The following PRIM2 variants were observed in gnomAD, a reference collection of about 807,000 sequenced individuals.
PRIM2 encodes the protein DNA primase large subunit.
A neutral mutation model predicts 67.3 loss-of-function variants in PRIM2; 39 were observed. That is an observed-to-expected ratio of 0.58 (90% CI 0.45 to 0.76). The LOEUF is 0.76. Ranked by LOEUF, PRIM2 falls within the 30% of genes least tolerant of loss-of-function variation. The pLI is 0.00. For synonymous variants in PRIM2, 143 were observed against 198.7 expected (o/e 0.72, Z 2.36); for missense variants, 398 against 598.7 (o/e 0.66, Z 3.50).
chr6:57,644,466 A>G (rs1777299043), intron 13 of PRIM2, among the ~76,000 whole-genome samples: 1 of 152,208 alleles, frequency 6.6e-6, no homozygotes, highest in African/African-American at 2.4e-5. Flanking sequence ...CATTCTTGGT[A>G]GAGGTTTTTA....
chr6:57,263,150 C>A, the PRIM2 span, among the ~76,000 whole-genome samples: 1 of 152,188 alleles, frequency 6.6e-6, no homozygotes, highest in Non-Finnish European at 1.5e-5. Context: ...AGTATAAGTT[C>A]TTCAAAGTTC....
chr6:57,532,953 C>T (rs1347006058), intron 9 of PRIM2, among the ~76,000 whole-genome samples: 1 of 152,110 alleles, frequency 6.6e-6, no homozygotes, highest in African/African-American at 2.4e-5. Flanking sequence ...TTGTGTTCTC[C>T]TGTGGTTTTC....
chr6:57,433,991 C>A (rs1771926838), intron 7 of PRIM2, among the ~76,000 whole-genome samples: 1 of 148,096 alleles, frequency 6.8e-6, no homozygotes, highest in Non-Finnish European at 1.5e-5. Flanking sequence ...GTGGCGCAAT[C>A]TCAGCTCACG....
the PRIM2 span, among the ~76,000 whole-genome samples, chr6:57,263,523 C>T: frequency 6.6e-6 from 1 of 151,876 alleles, no homozygotes; most frequent in Non-Finnish European, 1.5e-5. Flanking sequence ...ATTCTCTTCC[C>T]TTATAAGGCC....
At position 57,532,708 on chromosome 6, in the gene PRIM2, T is replaced by G. The variant is rs1245076851; in HGVS notation, c.834+225T>G. 2.0e-5 allele frequency among the ~76,000 whole-genome samples: 3 copies of G among 152,340 alleles called. No individual in the cohort carries two copies. In the East Asian group the frequency reaches 5.8e-4, roughly 29 times the overall value. Reference sequence around the variant, plus strand: ...TTTATGAAAACAGAATTTAATCAACTATTCCAAACAGGAATTCTTTTAAAT... The same window carrying G: ...TTTATGAAAACAGAATTTAATCAACGATTCCAAACAGGAATTCTTTTAAAT... On this transcript the variant is annotated intron_variant, in intron 9 of 13. Transcript: ENST00000615550.
At chr6:57,325,843 G>T in intron 4 of PRIM2, 82 bp from the exon 5 acceptor site, 1 of 1,396,992 alleles carries the variant, frequency 7.2e-7, no homozygotes, top group Non-Finnish European at 9.7e-7. Context: ...GCTGATGTTT[G>T]AATATTGTTT....
chr6:57,628,364 G>A lies in PRIM2; in HGVS notation c.1231-3769G>A, dbSNP rs1369280343. On this transcript the variant is annotated intron_variant, in intron 12 of 13. Transcript: ENST00000615550. Reference sequence around the variant, plus strand: ...GCTATCTTTTTAGGAGCCAAGACCAGCTTGTGAGGATGGAGGTCTGGGCTT... The same window carrying A: ...GCTATCTTTTTAGGAGCCAAGACCAACTTGTGAGGATGGAGGTCTGGGCTT... Among the ~76,000 whole-genome samples the A allele has an allele frequency of 3.3e-5, 5 of 152,344 alleles. No individual in the cohort carries two copies. The East Asian group carries it at 7.7e-4, about 23-fold the overall frequency.
At chr6:57,243,898 T>C in the PRIM2 span, among the ~76,000 whole-genome samples, 1 of 152,246 alleles carries the variant, frequency 6.6e-6, no homozygotes. Flanking sequence ...GGCCTAATTA[T>C]GCATTCTATG....
chr6:57,493,118 A>G (rs2127410896), intron 7 of PRIM2, among the ~76,000 whole-genome samples: 1 of 152,298 alleles, frequency 6.6e-6, no homozygotes, highest in South Asian at 2.1e-4. Flanking sequence ...CTTAACATGG[A>G]CAAAACTGAA....
chr6:57,316,899 C>T (rs1767496950), upstream of PRIM2, among the ~76,000 whole-genome samples: 2 of 152,236 alleles, frequency 1.3e-5, no homozygotes, highest in African/African-American at 2.4e-5. Flanking sequence ...CAGAGCGATT[C>T]CTGCGAATGT....
the PRIM2 span, among the ~76,000 whole-genome samples, chr6:57,299,898 C>T: frequency 2.0e-5 from 3 of 152,102 alleles, no homozygotes; most frequent in Admixed American, 6.6e-5. Flanking sequence ...ATTCTGCAGG[C>T]AGTGGAGGTG....
intron 9 of PRIM2, among the ~76,000 whole-genome samples, chr6:57,535,691 T>C (rs1158302150): frequency 1.3e-5 from 2 of 152,008 alleles, no homozygotes; most frequent in African/African-American, 4.8e-5. Flanking sequence ...ATGGTGAAAC[T>C]CTGTCTCTAC....
chr6:57,541,441 C>A (rs1337761496), intron 10 of PRIM2, among the ~76,000 whole-genome samples: 1 of 151,924 alleles, frequency 6.6e-6, no homozygotes, highest in Non-Finnish European at 1.5e-5. Flanking sequence ...TGTGAGGTTA[C>A]AGTGAATATA....
chr6:57,430,680 C>T (rs1327723901), intron 7 of PRIM2, among the ~76,000 whole-genome samples: 9 of 151,974 alleles, frequency 5.9e-5, no homozygotes, highest in East Asian at 3.9e-4. Flanking sequence ...AGGCTGGTCT[C>T]GAACTCCTGA....
the PRIM2 span, among the ~76,000 whole-genome samples, chr6:57,295,454 A>G: frequency 6.6e-6 from 1 of 152,232 alleles, no homozygotes; most frequent in East Asian, 1.9e-4. Flanking sequence ...TTCTATGGAA[A>G]GAGTCCTAAA....
intron 5 of PRIM2, among the ~76,000 whole-genome samples, chr6:57,327,949 G>C (rs1767923231): frequency 6.6e-6 from 1 of 152,142 alleles, no homozygotes; most frequent in Non-Finnish European, 1.5e-5. Flanking sequence ...TTATCATAAG[G>C]AGTGCACATC....
Position 57,396,060 on chromosome 6 carries a change from G to A in PRIM2, c.693+13892G>A, listed in dbSNP as rs9475917. Among the ~76,000 whole-genome samples the A allele has an allele frequency of 6.1e-3, 865 of 140,892 alleles. 1 individual carries two copies. Among genetic ancestry groups the A allele is most frequent in the African/African-American group, 9.5e-3 (348 of 36,782 alleles). 92.4% of individuals were successfully genotyped at this position (140,892 alleles called of 152,430 possible). On this transcript the variant is annotated intron_variant, in intron 7 of 13. Transcript: ENST00000615550. ...AATTTTCTTAAATTTATTGAGGCTC[G>A]TTTCATGGCCTGTCATATAGTCTAT... is the stretch of plus-strand genomic sequence containing the variant.
intron 10 of PRIM2, among the ~76,000 whole-genome samples, chr6:57,547,868 T>G (rs1775320684): frequency 6.6e-6 from 1 of 152,248 alleles, no homozygotes; most frequent in Non-Finnish European, 1.5e-5. Flanking sequence ...ACTGAAGGAT[T>G]AAATATTTGG....
At chr6:57,312,009 AAGGGGAGAGGGGAGAGGGGAGACGGGAG>A (rs1378806004), upstream of PRIM2, among the ~76,000 whole-genome samples, 6 of 90,040 alleles carry the variant, frequency 6.7e-5, no homozygotes, top group Admixed American at 1.7e-4. Flanking sequence ...AGACCGTAGA[AAGGGGAGAGGGGAGAGGGGAGACGGGAG>A]AGGGGAGAGG....
Sources: gnomAD v4.1 joint callset for allele counts (sites outside exome capture counted in the v4.1 genomes callset) on GRCh38, gnomAD v4.1.1 for gene constraint, MANE v1.5 for transcripts, NCBI Gene and HGNC (gene_info 2026-07-23, HGNC 2026-07-21) for gene names.